The following PPP2R1B variants were observed in gnomAD, a reference collection of about 807,000 sequenced individuals.
The protein encoded by PPP2R1B is serine/threonine-protein phosphatase 2A 65 kDa regulatory subunit A beta isoform.
A neutral mutation model predicts 72.7 loss-of-function variants in PPP2R1B; 58 were observed. The ratio of observed to expected loss-of-function variants is 0.80; its 90% CI spans 0.65 to 0.99. The LOEUF (loss-of-function observed/expected upper bound fraction) is 0.99. Ranked by LOEUF, PPP2R1B falls within the 50% of genes least tolerant of loss-of-function variation. The probability of loss-of-function intolerance (pLI) is 0.00; values close to 1 mark genes in which losing one functional copy is unlikely to be tolerated. For synonymous variants in PPP2R1B, 256 were observed against 264.6 expected, an observed-to-expected ratio of 0.97 and a Z score of 0.32; for missense variants, 695 against 733.6, an observed-to-expected ratio of 0.95 and a Z score of 0.61.
chr11:111,766,117 C>A, intron 1 of PPP2R1B, 131 bp downstream of exon 1: 1 of 822,284 alleles, frequency 1.2e-6, no homozygotes, highest in Non-Finnish European at 2.0e-6. Flanking sequence ...TTCCCCGCCT[C>A]CCCTTCAAGT....
chr11:111,748,393 G>A (rs1403253271), intron 10 of PPP2R1B, among the ~76,000 whole-genome samples: 9 of 152,338 alleles, frequency 5.9e-5, no homozygotes, highest in South Asian at 2.1e-4. Context: ...ATTCTCAATC[G>A]TCTTCCCTTT....
At chr11:111,754,350 A>C (rs568532077) in intron 8 of PPP2R1B, 149 bp downstream of exon 8, 6 of 1,108,972 alleles carry the variant, frequency 5.4e-6, no homozygotes, top group Non-Finnish European at 7.5e-6. Flanking sequence ...GTGATGAATA[A>C]CAATGTTGCA....
chr11:111,721,783 T>C, the PPP2R1B span: 1 of 1,485,392 alleles, frequency 6.7e-7, no homozygotes, highest in Non-Finnish European at 9.2e-7. Flanking sequence ...CTGAGACGTT[T>C]TTCCCCATGG....
chr11:111,762,533 C>A (rs1390460239), intron 3 of PPP2R1B, among the ~76,000 whole-genome samples: 1 of 149,406 alleles, frequency 6.7e-6, no homozygotes, highest in Admixed American at 6.7e-5. Context: ...CCAGCCTCAA[C>A]ACTTCACACT....
chr11:111,758,703 A>G (rs1325290287), intron 5 of PPP2R1B, among the ~76,000 whole-genome samples: 1 of 152,148 alleles, frequency 6.6e-6, no homozygotes, highest in Non-Finnish European at 1.5e-5. Context: ...AGGAGGAAAG[A>G]GAGATTGTGT....
downstream of PPP2R1B, chr11:111,722,883 G>C (rs1943845052): frequency 2.5e-6 from 2 of 791,518 alleles, no homozygotes; most frequent in Non-Finnish European, 2.0e-6. This position sits in a 1 kb window ranked among gnomAD's most constrained non-coding sequence, Gnocchi z 4.4. Flanking sequence ...GTGTGTCACA[G>C]GCCCTCTGAG....
chr11:111,724,496 A>G (rs888071470), downstream of PPP2R1B: 14 of 261,378 alleles, frequency 5.4e-5, no homozygotes, highest in Admixed American at 2.0e-4. Flanking sequence ...GAAAGCAGAA[A>G]GGGTGTGTGC....
the PPP2R1B span, chr11:111,700,876 A>G: frequency 1.2e-6 from 2 of 1,613,520 alleles, no homozygotes; most frequent in Admixed American, 1.7e-5. Flanking sequence ...ATTTATTTCC[A>G]TCCTAATAGA....
At chr11:111,712,528 C>G in the PPP2R1B span, among the ~76,000 whole-genome samples, 2 of 152,156 alleles carry the variant, frequency 1.3e-5, no homozygotes, top group African/African-American at 2.4e-5. Flanking sequence ...AGAACAGTGT[C>G]CAGGCTCAAC....
the PPP2R1B span, among the ~76,000 whole-genome samples, chr11:111,715,688 G>A: frequency 1.3e-5 from 2 of 152,116 alleles, no homozygotes; most frequent in African/African-American, 2.4e-5. Context: ...GGCCATATGG[G>A]AGGGCAGATG....
intron 15 of PPP2R1B, among the ~76,000 whole-genome samples, chr11:111,731,949 T>C (rs1944207112): frequency 6.6e-6 from 1 of 151,930 alleles, no homozygotes; most frequent in Non-Finnish European, 1.5e-5. Flanking sequence ...GCAGGCAAAA[T>C]AACAGACCAG....
At chr11:111,758,117 C>A (rs782610118) in intron 5 of PPP2R1B, among the ~76,000 whole-genome samples, 1 of 152,174 alleles carries the variant, frequency 6.6e-6, no homozygotes, top group African/African-American at 2.4e-5. Context: ...GGCTGGTACA[C>A]GTTATTTACA....
chr11:111,726,659 C>CCTAA (rs539025302), downstream of PPP2R1B: 6 of 391,396 alleles, frequency 1.5e-5, no homozygotes, highest in Non-Finnish European at 2.8e-5. Flanking sequence ...CTGCTCTGTC[C>CCTAA]CTAACTAGTG....
In PPP2R1B at chr11:111,761,099, G is replaced by C. The variant is rs1304702061; in HGVS notation, c.307-48C>G. The stretch of plus-strand genomic sequence containing the variant: ...CCAGAGAAGAAAACTTATTGAATCA[G>C]GTTAGAAACAGATAATCACCTTTTA... On this transcript the variant is annotated intron_variant, in intron 3 of 14. Coordinates refer to ENST00000527614, the MANE Select transcript of PPP2R1B (RefSeq NM_002716.5). The C allele has an allele frequency of 2.7e-6, 4 of 1,485,446 alleles. No homozygotes were observed. In the African/African-American group the frequency reaches 5.5e-5, roughly 20 times the overall value. 92.0% of individuals were successfully genotyped at this position (1,485,446 alleles called of 1,614,324 possible). A position where few individuals can be genotyped will look rare whatever the true frequency, so the allele number is the denominator to read the frequency against.
At chr11:111,723,496 GC>G, downstream of PPP2R1B, 1 of 1,590,678 alleles carries the variant, frequency 6.3e-7, no homozygotes, top group Non-Finnish European at 8.6e-7. Context: ...ACCAATTTAG[GC>G]TCCAGCAGAA....
chr11:111,755,121 A>G, intron 6 of PPP2R1B, 27 bp from the exon 7 acceptor site: 1 of 1,576,250 alleles, frequency 6.3e-7, no homozygotes, highest in Non-Finnish European at 8.7e-7. Flanking sequence ...ACGGGTTTTA[A>G]TGTATACTAA....
At chr11:111,724,734 A>C (rs1483677279), downstream of PPP2R1B, 1 of 153,452 alleles carries the variant, frequency 6.5e-6, no homozygotes, top group African/African-American at 2.4e-5. Context: ...CCACTAAATA[A>C]CAGCTGGTAC....
chr11:111,748,853 CT>C (rs112818009), intron 10 of PPP2R1B, among the ~76,000 whole-genome samples: 33 of 147,270 alleles, frequency 2.2e-4, no homozygotes, highest in Middle Eastern at 3.5e-3. Context: ...GACAAAATAG[CT>C]TTTTTTTTTT....
the PPP2R1B span, chr11:111,700,777 G>A: frequency 7.4e-7 from 1 of 1,343,896 alleles, no homozygotes; most frequent in African/African-American, 1.5e-5. Context: ...AGTCCTCACA[G>A]TAAATAGTAG....
Sources: allele counts gnomAD v4.1 joint callset (sites outside exome capture counted in the v4.1 genomes callset), GRCh38; gene constraint gnomAD v4.1.1; non-coding constraint Gnocchi (gnomAD v3.1); transcripts MANE v1.5; gene names NCBI Gene and HGNC (gene_info 2026-07-23, HGNC 2026-07-21).